Variants in NFYC observed in about 807,000 individuals in gnomAD.
NFYC encodes nuclear transcription factor Y subunit gamma.
NFYC carries 25 observed loss-of-function variants against 53.1 expected under a neutral mutation model. That is an observed-to-expected ratio of 0.47 (90% CI 0.34 to 0.66). The LOEUF (loss-of-function observed/expected upper bound fraction) is 0.66, where lower values mean the gene tolerates loss of function less well. Among genes scored for constraint, NFYC ranks in the 30% least tolerant of loss-of-function variants. The pLI is 0.01. For missense variants in NFYC, 260 were observed against 422.7 expected, an observed-to-expected ratio of 0.62 and a Z score of 3.38; for synonymous variants, 145 against 152.6, an observed-to-expected ratio of 0.95 and a Z score of 0.37.
intron 1 of NFYC, among the ~76,000 whole-genome samples, chr1:40,726,127 T>G (rs111428111): frequency 0.026 from 3,600 of 140,952 alleles, 135 homozygotes; most frequent in African/African-American, 0.085. Context: ...GTGTGTGTGT[T>G]TTTTTTTGAG....
intron 8 of NFYC, chr1:40,767,011 GA>G (rs1342737233): frequency 1.3e-6 from 2 of 1,536,600 alleles, no homozygotes; most frequent in Non-Finnish European, 1.8e-6. Flanking sequence ...ATGTTCGACA[GA>G]TCGCCTGATC....
intron 1 of NFYC, among the ~76,000 whole-genome samples, chr1:40,717,593 T>C (rs1644184149): frequency 6.6e-6 from 1 of 152,226 alleles, no homozygotes; most frequent in Non-Finnish European, 1.5e-5. Flanking sequence ...ACACTTTCTG[T>C]GTGTGCCTTG....
At chr1:40,743,186 C>T (rs1443399061) in intron 2 of NFYC, among the ~76,000 whole-genome samples, 3 of 152,182 alleles carry the variant, frequency 2.0e-5, no homozygotes, top group East Asian at 1.9e-4. Context: ...TTTTGGTCTG[C>T]GTCCTGTAAA....
intron 3 of NFYC, 49 bp downstream of exon 3, chr1:40,747,654 G>A (rs1265424166): frequency 8.3e-7 from 1 of 1,210,088 alleles, no homozygotes; most frequent in African/African-American, 1.5e-5. Flanking sequence ...TAAGTGATGG[G>A]TAGGTTATTG....
rs200922700 is a variant in NFYC, at chr1:40,711,646, AC to A, written c.-9+19780del. On this transcript the variant is annotated intron_variant, in intron 1 of 9. Coordinates refer to ENST00000447388, the MANE Select transcript of NFYC (RefSeq NM_014223.5). ...GCATGCCTGTACAAAACCTTTGATG[AC>A]TAAGTTATTTTTTAGTGTATGTCAA... Among the ~76,000 whole-genome samples the A allele has an allele frequency of 1.5e-4, 23 of 152,328 alleles. No homozygotes were observed. The East Asian group carries it at 4.4e-3, about 29-fold the overall frequency.
chr1:40,765,993 G>A (rs1646793620), intron 7 of NFYC: 1 of 152,332 alleles, frequency 6.6e-6, no homozygotes. Flanking sequence ...TTCCCCTTGG[G>A]AGGTGTTTGG....
At chr1:40,701,472 C>G (rs150433359) in intron 1 of NFYC, among the ~76,000 whole-genome samples, 2 of 152,342 alleles carry the variant, frequency 1.3e-5, no homozygotes, top group Non-Finnish European at 2.9e-5. Context: ...GTAATACTTT[C>G]TGTCAGCTTC....
intron 1 of NFYC, among the ~76,000 whole-genome samples, chr1:40,707,886 TTTATCCTCTGGAATGTCA>T (rs1643797114): frequency 6.6e-6 from 1 of 150,778 alleles, no homozygotes; most frequent in Non-Finnish European, 1.5e-5. Context: ...AAATAACGAA[TTTATCCTCTGGAATGTCA>T]AACTCTGTGA....
intron 1 of NFYC, among the ~76,000 whole-genome samples, chr1:40,730,187 TTTC>T (rs1477527630): frequency 6.9e-6 from 1 of 145,296 alleles, no homozygotes; most frequent in Admixed American, 7.3e-5. Context: ...CTAATTTTTC[TTTC>T]TTTTCTTTTT....
chr1:40,740,286 A>T (rs1188127451), intron 2 of NFYC, among the ~76,000 whole-genome samples: 1 of 152,204 alleles, frequency 6.6e-6, no homozygotes, highest in East Asian at 1.9e-4. Flanking sequence ...CACTCAACAA[A>T]TACTTATTAT....
At chr1:40,752,747 C>T (rs539994587) in intron 4 of NFYC, among the ~76,000 whole-genome samples, 1 of 151,926 alleles carries the variant, frequency 6.6e-6, no homozygotes, top group South Asian at 2.1e-4. Context: ...TTACCTAATT[C>T]AATACTTGTG....
chr1:40,727,208 T>G (rs535488130), intron 1 of NFYC, among the ~76,000 whole-genome samples: 2 of 147,432 alleles, frequency 1.4e-5, no homozygotes, highest in East Asian at 2.0e-4. Context: ...TTTTTGTTTG[T>G]TTGTTTGGTT....
At chr1:40,715,036 C>T (rs1002523798) in intron 1 of NFYC, among the ~76,000 whole-genome samples, 3 of 151,720 alleles carry the variant, frequency 2.0e-5, no homozygotes, top group South Asian at 2.1e-4. Flanking sequence ...GCCGACATGG[C>T]GCCACTGCAC....
rs559462876 is a variant in NFYC at position 40,698,394 on chromosome 1, C to G, written c.-9+6527C>G. Among the ~76,000 whole-genome samples the G allele has an allele frequency of 4.6e-5, 7 of 151,654 alleles. No homozygotes were observed. In the East Asian group the frequency reaches 1.4e-3, roughly 29 times the overall value. Reference sequence around the variant, plus strand: ...AAAAAAAAAATTCACGTTCAAGGTACTATATATAAGGTGTCCTATTTAAAT... The same window carrying G: ...AAAAAAAAAATTCACGTTCAAGGTAGTATATATAAGGTGTCCTATTTAAAT... On this transcript the variant is annotated intron_variant, in intron 1 of 9. Transcript: ENST00000447388.
chr1:40,762,791 G>T, intron 6 of NFYC, 97 bp from the exon 7 acceptor site: 1 of 1,195,800 alleles, frequency 8.4e-7, no homozygotes, highest in Non-Finnish European at 1.1e-6. Flanking sequence ...TCATGGAGAG[G>T]GTTTGCTCCC....
At chr1:40,751,813 A>G (rs12567755) in intron 4 of NFYC, among the ~76,000 whole-genome samples, 1 of 151,930 alleles carries the variant, frequency 6.6e-6, no homozygotes, top group Admixed American at 6.5e-5. Flanking sequence ...TGAGCCATTT[A>G]GATAGATTGA....
intron 7 of NFYC, among the ~76,000 whole-genome samples, chr1:40,764,269 T>C (rs1488485045): frequency 6.6e-6 from 1 of 152,226 alleles, no homozygotes; most frequent in Admixed American, 6.5e-5. Flanking sequence ...GGTTAACCAC[T>C]TCCTCTGTGA....
intron 1 of NFYC, among the ~76,000 whole-genome samples, chr1:40,707,274 A>T (rs941597252): frequency 6.7e-6 from 1 of 149,708 alleles, no homozygotes; most frequent in Non-Finnish European, 1.5e-5. Flanking sequence ...TAGGTGGATC[A>T]CTTGAGGTCA....
At chr1:40,764,829 C>T (rs1015789735) in intron 7 of NFYC, among the ~76,000 whole-genome samples, 20 of 152,152 alleles carry the variant, frequency 1.3e-4, no homozygotes, top group African/African-American at 4.1e-4. Flanking sequence ...GAATGAGGGA[C>T]GGATCATCAC....
Sources: allele counts gnomAD v4.1 joint callset (sites outside exome capture counted in the v4.1 genomes callset), GRCh38; gene constraint gnomAD v4.1.1; transcripts MANE v1.5; gene names NCBI Gene and HGNC (gene_info 2026-07-23, HGNC 2026-07-21).